TOPBP1: variants seen among roughly 807,000 people sequenced by gnomAD.
The protein encoded by TOPBP1 is DNA topoisomerase II binding protein 1.
In TOPBP1, 28 loss-of-function variants were observed where a neutral mutation model predicts 167.7. That is an observed-to-expected ratio of 0.17 (90% confidence interval 0.12 to 0.23). The LOEUF is 0.23. TOPBP1 is among the 10% of genes least tolerant of loss of function. TOPBP1 has a pLI of 1.00. For missense variants in TOPBP1, 1,554 were observed against 1,809.6 expected (o/e 0.86, Z 2.56); for synonymous variants, 598 against 611.4 (o/e 0.98, Z 0.32).
chr3:133,605,858 G>A (rs946855908), intron 27 of TOPBP1, among the ~76,000 whole-genome samples: 1 of 152,158 alleles, frequency 6.6e-6, no homozygotes, highest in African/African-American at 2.4e-5. Context: ...GAAAGCCTAA[G>A]GTACTAATTG....
chr3:133,660,170 C>T (rs768325030), intron 2 of TOPBP1, among the ~76,000 whole-genome samples: 21 of 152,040 alleles, frequency 1.4e-4, no homozygotes, highest in Non-Finnish European at 2.5e-4. Context: ...AAGGCTATCT[C>T]ACCTCCTTCA....
Position 133,658,665 on chromosome 3 carries a change from C to G in TOPBP1, c.219+351G>C, listed in dbSNP as rs536900076. ...CTCTACTAAAAATAAAAAAATCAGCCGGGTGTGTATATACATCTGTAATCC... is the reference window on the plus strand; with the variant it reads ...CTCTACTAAAAATAAAAAAATCAGCGGGGTGTGTATATACATCTGTAATCC... On this transcript the variant is annotated intron_variant, in intron 3 of 27. Transcript: ENST00000260810. 2.6e-5 allele frequency among the ~76,000 whole-genome samples: 4 copies of G among 151,800 alleles called. No homozygotes were observed. In the South Asian group the frequency reaches 8.3e-4, roughly 32 times the overall value.
chr3:133,652,368 T>A, intron 8 of TOPBP1, 95 bp downstream of exon 8: 1 of 1,356,656 alleles, frequency 7.4e-7, no homozygotes, highest in South Asian at 1.3e-5. Context: ...ACATAGATAG[T>A]AAGGAGCAAG....
At chr3:133,650,343 T>C (rs981761423) in intron 8 of TOPBP1, among the ~76,000 whole-genome samples, 2 of 116,848 alleles carry the variant, frequency 1.7e-5, no homozygotes, top group Non-Finnish European at 3.4e-5. Flanking sequence ...TCTGAACACC[T>C]GGGCTTAAAT....
At position 133,635,432 on chromosome 3, in the gene TOPBP1, T is replaced by A. The variant is rs531719346; in HGVS notation, c.2520+2444A>T. Among the ~76,000 whole-genome samples the A allele has an allele frequency of 4.6e-5, 7 of 151,942 alleles. No individual in the cohort carries two copies. In the South Asian group the frequency reaches 8.3e-4, roughly 18 times the overall value. ...CAAGCCCAGCTAATTAAAAAAAAAA[T>A]TTGTTAGAGATGGCGGTCTCGCTAT... On this transcript the variant is annotated intron_variant, in intron 14 of 27. Coordinates refer to ENST00000260810, the MANE Select transcript of TOPBP1 (RefSeq NM_007027.4).
rs568107589 is a variant in TOPBP1, at chr3:133,648,739, A to C, written c.1504+644T>G. The stretch of plus-strand genomic sequence containing the variant: ...CTTGAACCTGGGAGGCAGAGGTTGC[A>C]GTGAGCTGAGATCATGCCACTACAC... On this transcript the variant is annotated intron_variant, in intron 10 of 27. Transcript: ENST00000260810. 1.7e-4 allele frequency among the ~76,000 whole-genome samples: 26 copies of C among 152,268 alleles called. 2 individuals are homozygous for C. The South Asian group carries it at 5.4e-3, about 32-fold the overall frequency.
chr3:133,616,917 C>T lies in TOPBP1; in HGVS notation c.3768G>A (p.Thr1256=), dbSNP rs368182420. 2.5e-5 allele frequency: 37 copies of T among 1,500,342 alleles called. No individual in the cohort carries two copies. Among genetic ancestry groups the T allele is most frequent in the African/African-American group, 2.0e-4 (14 of 70,544 alleles). 92.9% of individuals were successfully genotyped at this position (1,500,342 alleles called of 1,614,324 possible). A position where few individuals can be genotyped will look rare whatever the true frequency, so the allele number is the denominator to read the frequency against. The change falls in exon 23 of 28, where the codon ACG becomes ACA. Residue 1256 remains threonine (T), a synonymous_variant. Coordinates refer to ENST00000260810, the MANE Select transcript of TOPBP1 (RefSeq NM_007027.4). ...TTAATTCTTCATGAGTCTCCTCTAT[C>T]GTTATAATCTGGAATGAAAGTTTTA... ...VAPHPREKII[T]IEETHEELKK...
intron 12 of TOPBP1, among the ~76,000 whole-genome samples, chr3:133,642,854 C>T (rs138420874): frequency 1.3e-5 from 2 of 152,254 alleles, no homozygotes; most frequent in Admixed American, 1.3e-4. Context: ...TTCCTTTTGT[C>T]AGCTTTCAAA....
rs142940099 is a variant in TOPBP1, at chr3:133,661,106, G to A, written c.22C>T (p.Pro8Ser). Residue 8 changes from proline to serine, a missense_variant, in exon 2 of 28, where the codon CCG becomes TCG. By Grantham distance (74) the Pro-to-Ser change is moderately conservative. Coordinates refer to ENST00000260810, the MANE Select transcript of TOPBP1 (RefSeq NM_007027.4). Reference sequence around the variant, plus strand: ...GACTTTAAAAACTTCACAAAAAACGGTTCTTTGTCATTTCTGGACATTTCT... The same window carrying A: ...GACTTTAAAAACTTCACAAAAAACGATTCTTTGTCATTTCTGGACATTTCT... MSRNDKE[P>S]FFVKFLKSSD... 9.4e-6 allele frequency: 15 copies of A among 1,598,518 alleles called. No homozygotes were observed. The East Asian group carries it at 2.9e-4, about 31-fold the overall frequency.
intron 16 of TOPBP1, among the ~76,000 whole-genome samples, chr3:133,624,406 T>C (rs1194113476): frequency 6.6e-6 from 1 of 152,154 alleles, no homozygotes; most frequent in Admixed American, 6.5e-5. Context: ...GAGGCTGTAG[T>C]GTGCTATGAT....
rs771022846 is a variant in TOPBP1 at position 133,637,921 on chromosome 3, T to C, written c.2475A>G (p.Lys825=). ...EPSLHLDTPS[K]FLSKDKLFKP... is the part of the protein sequence containing the mutation. Reference sequence around the variant, plus strand: ...TGAAGAGTTTGTCCTTGGACAGGAATTTTGATGGTGTATCCAGGTGTAACG... The same window carrying C: ...TGAAGAGTTTGTCCTTGGACAGGAACTTTGATGGTGTATCCAGGTGTAACG... The change falls in exon 14 of 28, where the codon AAA becomes AAG. Residue 825 remains lysine, a synonymous_variant. Coordinates refer to ENST00000260810, the MANE Select transcript of TOPBP1 (RefSeq NM_007027.4). 1.9e-6 allele frequency: 3 copies of C among 1,613,942 alleles called. No individual in the cohort carries two copies. Among genetic ancestry groups the C allele is most frequent in the Non-Finnish European group, 2.5e-6 (3 of 1,179,856 alleles).
At chr3:133,616,453 C>CA (rs1934884294) in intron 23 of TOPBP1, among the ~76,000 whole-genome samples, 1 of 151,838 alleles carries the variant, frequency 6.6e-6, no homozygotes, top group Non-Finnish European at 1.5e-5. Flanking sequence ...AACAAACAAA[C>CA]AAAAAAACAA....
chr3:133,657,983 G>A (rs1394994465), intron 3 of TOPBP1, 42 bp from the exon 4 acceptor site: 1 of 1,435,552 alleles, frequency 7.0e-7, no homozygotes, highest in Middle Eastern at 1.8e-4. Context: ...AGAAGGAAAA[G>A]ACCACCAGTC....
intron 2 of TOPBP1, 90 bp from the exon 3 acceptor site, chr3:133,659,240 C>T (rs1459192999): frequency 7.5e-7 from 1 of 1,328,980 alleles, no homozygotes; most frequent in African/African-American, 1.5e-5. Flanking sequence ...CAGCCTTTTC[C>T]CTATTGAAAG....
rs374844277 is a variant in TOPBP1 at position 133,643,220 on chromosome 3, T to C, written c.2001A>G (p.Leu667=). Reference sequence around the variant, plus strand: ...CATACCTTGCTCCAAGGAGGTTTGCTAGGAATGTTAAAGACTCTTTTTCTG... The same window carrying C: ...CATACCTTGCTCCAAGGAGGTTTGCCAGGAATGTTAAAGACTCTTTTTCTG... ...AGAEKESLTF[L]ANLLGASVQE... is the part of the protein sequence containing the mutation. Residue 667 remains leucine (L), a synonymous_variant, in exon 12 of 28, where the codon CTA becomes CTG. Transcript: ENST00000260810. 3 of 1,599,214 alleles carry C rather than the reference T, an allele frequency of 1.9e-6. No homozygotes were observed. Among genetic ancestry groups the C allele is most frequent in the Non-Finnish European group, 2.6e-6 (3 of 1,175,358 alleles).
chr3:133,602,959 G>A (rs772591469), intron 27 of TOPBP1, among the ~76,000 whole-genome samples: 13 of 145,376 alleles, frequency 8.9e-5, no homozygotes, highest in Non-Finnish European at 1.9e-4. Context: ...GCAGAGGCAC[G>A]ATCTTGGCTC....
At position 133,652,612 on chromosome 3, in the gene TOPBP1, C is replaced by T; in HGVS notation, c.940G>A (p.Val314Ile). 3 of 1,609,336 alleles carry T rather than the reference C, an allele frequency of 1.9e-6. No homozygotes were observed. Among genetic ancestry groups the T allele is most frequent in the Non-Finnish European group, 2.5e-6 (3 of 1,179,070 alleles). The change falls in exon 8 of 28, where the codon GTC becomes ATC. Residue 314 changes from valine to isoleucine, a missense_variant. By Grantham distance (29) the Val-to-Ile change is conservative (BLOSUM62 3). Coordinates refer to ENST00000260810, the MANE Select transcript of TOPBP1 (RefSeq NM_007027.4). ...NTIDSRTLSD[V>I]SNISNINASC... is the part of the protein sequence containing the mutation. The stretch of plus-strand genomic sequence containing the variant: ...GCATTTATGTTGGAAATATTGCTGA[C>T]ATCTGAAAGAGTACGACCTACATAT...
intron 14 of TOPBP1, among the ~76,000 whole-genome samples, chr3:133,630,733 G>A (rs1935445712): frequency 6.6e-6 from 1 of 152,154 alleles, no homozygotes; most frequent in Non-Finnish European, 1.5e-5. Context: ...CTATAGGTAT[G>A]TGCCATCACA....
At chr3:133,643,926 T>G in intron 11 of TOPBP1, 94 bp downstream of exon 11, 1 of 1,274,984 alleles carries the variant, frequency 7.8e-7, no homozygotes, top group Non-Finnish European at 1.1e-6. Context: ...AAGCATTGAT[T>G]TACTGTAACT....
Sources: gnomAD v4.1 joint callset for allele counts (sites outside exome capture counted in the v4.1 genomes callset) on GRCh38, gnomAD v4.1.1 for gene constraint, MANE v1.5 for transcripts, NCBI Gene and HGNC (gene_info 2026-07-23, HGNC 2026-07-21) for gene names.